DPF1: variants seen among roughly 807,000 people sequenced by gnomAD.
DPF1 encodes double PHD fingers 1.
Under a neutral mutation model 58.7 loss-of-function variants are expected in DPF1, and 14 were observed. The observed-to-expected ratio is 0.24, with a 90% CI of 0.16 to 0.37. The LOEUF is 0.37. Among genes scored for constraint, DPF1 ranks in the 10% least tolerant of loss-of-function variants. The pLI is 1.00. For synonymous variants in DPF1, 216 were observed against 216.0 expected, an observed-to-expected ratio of 1.00 and a Z score of 0.00; for missense variants, 345 against 529.9, an observed-to-expected ratio of 0.65 and a Z score of 3.43.
chr19:38,217,264 G>C, intron 7 of DPF1, 196 bp downstream of exon 7: 3 of 679,292 alleles, frequency 4.4e-6, no homozygotes, highest in Non-Finnish European at 7.2e-6. Flanking sequence ...TATTACGCCC[G>C]GCCAGGAGCG....
At chr19:38,223,862 G>T (rs1967677577) in intron 1 of DPF1, 3 of 399,190 alleles carry the variant, frequency 7.5e-6, no homozygotes, top group Non-Finnish European at 1.3e-5. Context: ...GGGTTGCAGG[G>T]AAGGGATGAT....
Position 38,217,527 on chromosome 19 carries a change from G to T in DPF1, c.660C>A (p.Ala220=). Residue 220 remains alanine, a synonymous_variant, in exon 7 of 12, where the codon GCC becomes GCA. Coordinates refer to ENST00000355526, the MANE Select transcript of DPF1 (RefSeq NM_001135155.3). The part of the protein sequence containing the change: ...LSYHYTHTHL[A]EEEGEENAER... ...CGGCGTTCTCCTCCCCCTCCTCCTCGGCCAGGTGGGTGTGGGTGTAGTGGT... is the reference window on the plus strand; with the variant it reads ...CGGCGTTCTCCTCCCCCTCCTCCTCTGCCAGGTGGGTGTGGGTGTAGTGGT... The T allele has an allele frequency of 1.3e-6, 2 of 1,551,510 alleles. No individual in the cohort carries two copies. The highest frequency in any genetic ancestry group is 1.7e-4 in the Middle Eastern group (1 of 5,974).
At position 38,219,067 on chromosome 19, in the gene DPF1, AG is replaced by A. The variant is rs1470405024; in HGVS notation, c.299-10del. On this transcript the variant is annotated splice_polypyrimidine_tract_variant and intron_variant, in intron 3 of 11. Coordinates refer to ENST00000355526, the MANE Select transcript of DPF1 (RefSeq NM_001135155.3). ...CAGGGGTGCTTCACAGTCTGGGGAC[AG>A]GGCCATGGGGGGGTCAGATGGGGAA... The A allele has an allele frequency of 6.2e-7, 1 of 1,613,584 alleles. No homozygotes were observed. Among genetic ancestry groups the A allele is most frequent in the Admixed American group, 1.7e-5 (1 of 60,008 alleles).
At chr19:38,221,289 G>T (rs1967452718) in intron 3 of DPF1, among the ~76,000 whole-genome samples, 1 of 152,196 alleles carries the variant, frequency 6.6e-6, no homozygotes, top group African/African-American at 2.4e-5. Flanking sequence ...TGTAATCCCA[G>T]CACTCTGGGA....
chr19:38,215,205 G>T (rs998470438), intron 9 of DPF1, among the ~76,000 whole-genome samples: 10 of 151,546 alleles, frequency 6.6e-5, no homozygotes, highest in Middle Eastern at 6.8e-3. Context: ...CAGATTCAAG[G>T]GGCTGGGTGC....
upstream of DPF1, among the ~76,000 whole-genome samples, chr19:38,227,346 G>A (rs1027847413): frequency 3.3e-5 from 5 of 151,782 alleles, no homozygotes; most frequent in African/African-American, 1.2e-4. Context: ...CCAAAGTGCT[G>A]AGATTACAGG....
chr19:38,216,497 G>A (rs1488172975), intron 7 of DPF1, 94 bp from the exon 8 acceptor site: 1 of 1,418,406 alleles, frequency 7.1e-7, no homozygotes. Context: ...TCTTAGTCCA[G>A]GCGTGGGGAG....
At position 38,222,820 on chromosome 19, in the gene DPF1, C is replaced by G; in HGVS notation, c.30-112G>C. ...CCCAGGCTCGGGAGGGGTGGGCCGACCCCTCCAGCCTCACCTCTCCCCTCC... is the reference window on the plus strand; with the variant it reads ...CCCAGGCTCGGGAGGGGTGGGCCGAGCCCTCCAGCCTCACCTCTCCCCTCC... On this transcript the variant is annotated intron_variant, in intron 1 of 11. Coordinates refer to ENST00000355526, the MANE Select transcript of DPF1 (RefSeq NM_001135155.3). The surrounding 1 kb of genome is among the most constrained non-coding windows in gnomAD (Gnocchi z 4.9). 7.4e-7 allele frequency: 1 copy of G among 1,357,012 alleles called. No homozygotes were observed. The highest frequency in any genetic ancestry group is 9.6e-7 in the Non-Finnish European group (1 of 1,041,892). 84.1% of individuals were successfully genotyped at this position (1,357,012 alleles called of 1,614,324 possible). A position where few individuals can be genotyped will look rare whatever the true frequency, so the allele number is the denominator to read the frequency against.
chr19:38,229,042 G>A (rs1165696207), upstream of DPF1, among the ~76,000 whole-genome samples: 1 of 152,096 alleles, frequency 6.6e-6, no homozygotes, highest in Admixed American at 6.5e-5. The surrounding 1 kb of genome is among the most constrained non-coding windows in gnomAD (Gnocchi z 5.3). Flanking sequence ...AGGCAGCGGG[G>A]ATGGAACTGG....
At chr19:38,217,355 A>C in intron 7 of DPF1, 105 bp downstream of exon 7, 2 of 1,409,926 alleles carry the variant, frequency 1.4e-6, no homozygotes, top group South Asian at 1.4e-5. Flanking sequence ...GCTGAGCTGG[A>C]GATTTTCCAG....
chr19:38,212,914 G>T (rs1327866719), intron 10 of DPF1, among the ~76,000 whole-genome samples: 1 of 150,758 alleles, frequency 6.6e-6, no homozygotes, highest in Non-Finnish European at 1.5e-5. Flanking sequence ...CTCCCGGTCT[G>T]TGGGAAGTTT....
In DPF1 at chr19:38,224,166, A is replaced by C. The variant is rs765954593; in HGVS notation, c.-24T>G. Reference sequence around the variant, plus strand: ...ATCTTGCTCCCCGGGTCCTGCCCCCAGCAGGTCCCCGCCGGGTCGGTCCTC... The same window carrying C: ...ATCTTGCTCCCCGGGTCCTGCCCCCCGCAGGTCCCCGCCGGGTCGGTCCTC... On this transcript the variant is annotated 5_prime_UTR_variant, in exon 1 of 12. Coordinates refer to ENST00000355526, the MANE Select transcript of DPF1 (RefSeq NM_001135155.3). This position sits in a 1 kb window ranked among gnomAD's most constrained non-coding sequence, Gnocchi z 4.5. 6.9e-7 allele frequency: 1 copy of C among 1,446,792 alleles called. No individual in the cohort carries two copies. Among genetic ancestry groups the C allele is most frequent in the East Asian group, 2.8e-5 (1 of 36,088 alleles). 89.6% of individuals were successfully genotyped at this position (1,446,792 alleles called of 1,614,324 possible). A position where few individuals can be genotyped will look rare whatever the true frequency, so the allele number is the denominator to read the frequency against.
chr19:38,218,764 CAGG>C, intron 4 of DPF1, 102 bp from the exon 5 acceptor site: 4 of 1,540,464 alleles, frequency 2.6e-6, no homozygotes, highest in Non-Finnish European at 2.7e-6. Context: ...GAGTATAAGT[CAGG>C]AGTTCTTCCA....
At chr19:38,212,237 T>TGGGGGGGGGGGGGGGGGC in intron 11 of DPF1, 43 bp downstream of exon 11, 13 of 1,256,720 alleles carry the variant, frequency 1.0e-5, no homozygotes, top group South Asian at 1.4e-5. Flanking sequence ...GGAGATGGCG[T>TGGGGGGGGGGGGGGGGGC]TCCCACCCAC....
At chr19:38,219,880 G>A (rs1333030994) in intron 3 of DPF1, 1 of 152,130 alleles carries the variant, frequency 6.6e-6, no homozygotes, top group Non-Finnish European at 1.5e-5. Context: ...ACTCAGAAAT[G>A]CTCAGAGACA....
In DPF1 at chr19:38,213,657, G is replaced by T; in HGVS notation, c.998C>A (p.Thr333Asn). ...IECKSCSLCG[T>N]SENDDQLLFC... ...GGCGGCACTCACGTCGTTCTCGGAG[G>T]TTCCGCACAGGCTGCAGGATTTGCA... The change falls in exon 10 of 12, where the codon ACC (threonine) becomes AAC (asparagine). Residue 333 changes from threonine (T) to asparagine (N), a missense_variant. Coordinates refer to ENST00000355526, the MANE Select transcript of DPF1 (RefSeq NM_001135155.3). 6.2e-7 allele frequency: 1 copy of T among 1,613,590 alleles called. No individual in the cohort carries two copies. The highest frequency in any genetic ancestry group is 8.5e-7 in the Non-Finnish European group (1 of 1,179,702).
chr19:38,226,592 T>A (rs185678498), upstream of DPF1, among the ~76,000 whole-genome samples: 18 of 150,774 alleles, frequency 1.2e-4, no homozygotes, highest in African/African-American at 4.4e-4. Context: ...CCAGGTAAGG[T>A]CTTGGCCGGC....
At chr19:38,217,659 C>G in intron 6 of DPF1, 68 bp from the exon 7 acceptor site, 1 of 1,532,424 alleles carries the variant, frequency 6.5e-7, no homozygotes, top group South Asian at 1.2e-5. Context: ...ACCCTGGCCT[C>G]CAGGATCACA....
chr19:38,223,774 G>A (rs1167132467), intron 1 of DPF1: 2 of 235,156 alleles, frequency 8.5e-6, no homozygotes, highest in Non-Finnish European at 1.6e-5. Context: ...CACATCCCAA[G>A]ACAAAGGTAG....
Sources: gnomAD v4.1 joint callset for allele counts (sites outside exome capture counted in the v4.1 genomes callset) on GRCh38, gnomAD v4.1.1 for gene constraint, Gnocchi (gnomAD v3.1) non-coding constraint, MANE v1.5 for transcripts, NCBI Gene and HGNC (gene_info 2026-07-23, HGNC 2026-07-21) for gene names.